Variants in LNPEP observed in about 807,000 individuals in gnomAD.
LNPEP encodes the protein leucyl-cystinyl aminopeptidase.
Under a neutral mutation model 120.6 loss-of-function variants are expected in LNPEP, and 64 were observed. The ratio of observed to expected loss-of-function variants is 0.53; its 90% CI spans 0.43 to 0.65. The LOEUF is 0.65. Ranked by LOEUF, LNPEP falls within the 30% of genes least tolerant of loss-of-function variation. The pLI is 0.00. For synonymous variants in LNPEP, 435 were observed against 425.4 expected (o/e 1.02, Z -0.28); for missense variants, 1,057 against 1,200.0 (o/e 0.88, Z 1.76).
At chr5:97,013,255 C>G (rs942874084) in intron 11 of LNPEP, among the ~76,000 whole-genome samples, 1 of 152,148 alleles carries the variant, frequency 6.6e-6, no homozygotes, top group Non-Finnish European at 1.5e-5. Context: ...TCCAAGAAAT[C>G]GCTCCTAACT....
chr5:96,937,805 A>G (rs778166834), intron 1 of LNPEP: 14 of 152,238 alleles, frequency 9.2e-5, no homozygotes, highest in Non-Finnish European at 1.8e-4. Context: ...ATGCTTCTAG[A>G]TTGCTTCTAG....
intron 2 of LNPEP, among the ~76,000 whole-genome samples, chr5:96,981,727 G>C (rs1355537113): frequency 3.3e-5 from 5 of 152,078 alleles, no homozygotes; most frequent in African/African-American, 1.2e-4. Flanking sequence ...TTGTTGTAAG[G>C]GAACTTACCT....
At chr5:96,953,219 C>G (rs1168624555) in intron 1 of LNPEP, among the ~76,000 whole-genome samples, 1 of 152,236 alleles carries the variant, frequency 6.6e-6, no homozygotes, top group Admixed American at 6.5e-5. Flanking sequence ...TTCCTGTAAG[C>G]TACACACTGA....
At chr5:96,947,854 A>G (rs1000308183) in intron 1 of LNPEP, among the ~76,000 whole-genome samples, 2 of 152,262 alleles carry the variant, frequency 1.3e-5, no homozygotes, top group Admixed American at 1.3e-4. Context: ...GTTTAATTCT[A>G]TTTTACTGAA....
chr5:97,006,735 C>G (rs1042683930), intron 11 of LNPEP, among the ~76,000 whole-genome samples: 1 of 152,198 alleles, frequency 6.6e-6, no homozygotes, highest in African/African-American at 2.4e-5. Context: ...AGAGAATGTA[C>G]TGGCATTCCT....
At chr5:96,943,223 TA>T (rs369658383) in intron 1 of LNPEP, 10,990 of 184,894 alleles carry the variant, frequency 0.059, 215 homozygotes, top group Middle Eastern at 0.097. Flanking sequence ...ACCAGTTGTT[TA>T]AAAAAAAAAA....
intron 1 of LNPEP, among the ~76,000 whole-genome samples, chr5:96,966,514 G>T (rs1191066737): frequency 7.7e-6 from 1 of 130,418 alleles, no homozygotes; most frequent in African/African-American, 2.9e-5. Flanking sequence ...ATATTTGTGT[G>T]TGTGTGTGTG....
At chr5:96,985,568 G>A (rs1790221604) in intron 3 of LNPEP, among the ~76,000 whole-genome samples, 1 of 152,230 alleles carries the variant, frequency 6.6e-6, no homozygotes, top group Admixed American at 6.5e-5. Flanking sequence ...TGTTATTTGA[G>A]AGTGTTGAAT....
intron 11 of LNPEP, among the ~76,000 whole-genome samples, chr5:97,008,662 CTTTT>C (rs757725207): frequency 2.3e-5 from 2 of 85,448 alleles, no homozygotes; most frequent in Admixed American, 1.7e-4. Context: ...CCTCTTTACT[CTTTT>C]TTTTTTTTTT....
chr5:97,023,997 C>T (rs936805613), intron 14 of LNPEP, among the ~76,000 whole-genome samples: 1 of 152,100 alleles, frequency 6.6e-6, no homozygotes, highest in Non-Finnish European at 1.5e-5. Flanking sequence ...AATTAGTTCT[C>T]TCCAGCTCCT....
chr5:96,948,014 G>A (rs1310962115), intron 1 of LNPEP, among the ~76,000 whole-genome samples: 1 of 151,896 alleles, frequency 6.6e-6, no homozygotes, highest in East Asian at 1.9e-4. Flanking sequence ...ATATAGCAAA[G>A]CATAAATCAT....
At chr5:96,949,633 G>A (rs1789277593) in intron 1 of LNPEP, among the ~76,000 whole-genome samples, 1 of 152,140 alleles carries the variant, frequency 6.6e-6, no homozygotes, top group Admixed American at 6.5e-5. Flanking sequence ...ATGCTTTCAT[G>A]GTGCCTTCAA....
At chr5:96,936,406 G>T in intron 1 of LNPEP, 1 of 381,530 alleles carries the variant, frequency 2.6e-6, no homozygotes, top group East Asian at 3.9e-5. Flanking sequence ...GCCGCCGCTC[G>T]CCCGGGGTGC....
At chr5:97,026,466 A>G (rs1791341863) in intron 15 of LNPEP, 151 bp from the exon 16 acceptor site, 2 of 508,866 alleles carry the variant, frequency 3.9e-6, no homozygotes, top group Admixed American at 7.0e-5. Context: ...TGACATTTTC[A>G]ATCTATAGAT....
intron 11 of LNPEP, chr5:97,010,239 AT>A (rs1250229523): frequency 2.1e-6 from 2 of 949,468 alleles, no homozygotes. Flanking sequence ...CAGACCTAAG[AT>A]CTTTAACTAT....
chr5:97,016,089 A>G (rs1582030175), intron 13 of LNPEP, among the ~76,000 whole-genome samples: 1 of 152,100 alleles, frequency 6.6e-6, no homozygotes, highest in Admixed American at 6.6e-5. Flanking sequence ...ATGGAGCTTG[A>G]AAAGCTTTTC....
Position 97,036,333 on chromosome 5 carries a change from C to T in LNPEP, c.*7800C>T, listed in dbSNP as rs972663975. 1.3e-5 allele frequency: 2 copies of T among 152,156 alleles called. No individual in the cohort carries two copies. Among genetic ancestry groups the T allele is most frequent in the Non-Finnish European group, 2.9e-5 (2 of 68,008 alleles). 9.4% of individuals were successfully genotyped at this position (152,156 alleles called of 1,614,324 possible). A position where few individuals can be genotyped will look rare whatever the true frequency, so the allele number is the denominator to read the frequency against. ...GTCTTTTGTGTGACTGCATCTTTCT[C>T]CTCCGTTCTCCATTGTGTGCTTTCC... On this transcript the variant is annotated 3_prime_UTR_variant, in exon 18 of 18. Transcript: ENST00000231368.
intron 2 of LNPEP, 106 bp from the exon 3 acceptor site, chr5:96,984,974 T>A: frequency 1.6e-6 from 2 of 1,227,972 alleles, no homozygotes; most frequent in Non-Finnish European, 2.3e-6. Flanking sequence ...TTATTGCAGA[T>A]CCTTTAGTAA....
rs750256437 is a variant in LNPEP, at chr5:97,026,764, T to A, written c.2864+7T>A. The A allele has an allele frequency of 5.0e-6, 8 of 1,606,574 alleles. No homozygotes were observed. Among genetic ancestry groups the A allele is most frequent in the Admixed American group, 1.7e-5 (1 of 59,004 alleles). On this transcript the variant is annotated splice_region_variant and intron_variant, in intron 16 of 17. Transcript: ENST00000231368. ...GGAATAAGCTTGTACAGAAGTAAGT[T>A]TCTCAGAGAATTATTAACTTTTAGT...
Sources: allele counts gnomAD v4.1 joint callset (sites outside exome capture counted in the v4.1 genomes callset), GRCh38; gene constraint gnomAD v4.1.1; transcripts MANE v1.5; gene names NCBI Gene and HGNC (gene_info 2026-07-23, HGNC 2026-07-21).